The following ADAMTS16 variants were observed in gnomAD, a reference collection of about 807,000 sequenced individuals.
ADAMTS16 encodes the protein ADAM metallopeptidase with thrombospondin type 1 motif 16, also known as A disintegrin and metalloproteinase with thrombospondin motifs 16.
Under a neutral mutation model 145.8 loss-of-function variants are expected in ADAMTS16, and 94 were observed. The ratio of observed to expected loss-of-function variants is 0.64; its 90% CI spans 0.55 to 0.77. The LOEUF is 0.77. Among genes scored for constraint, ADAMTS16 ranks in the 30% least tolerant of loss-of-function variants. ADAMTS16 has a pLI of 0.00. For synonymous variants in ADAMTS16, 659 were observed against 604.3 expected, an observed-to-expected ratio of 1.09 and a Z score of -1.33; for missense variants, 1,585 against 1,591.5, an observed-to-expected ratio of 1.00 and a Z score of 0.07.
At chr5:5,159,501 C>T (rs950908905) in intron 3 of ADAMTS16, among the ~76,000 whole-genome samples, 6 of 152,088 alleles carry the variant, frequency 3.9e-5, no homozygotes, top group African/African-American at 1.2e-4. Context: ...CCTCAGTCCC[C>T]GCCGCCCCCA....
intron 18 of ADAMTS16, among the ~76,000 whole-genome samples, chr5:5,299,928 T>C (rs1289808409): frequency 9.9e-5 from 15 of 152,206 alleles, no homozygotes; most frequent in Admixed American, 9.8e-4. Flanking sequence ...TGCGTGGATT[T>C]TGACTCATTC....
In ADAMTS16 at chr5:5,306,636, C is replaced by T. The variant is rs776916750; in HGVS notation, c.3319C>T (p.Arg1107Cys). The change falls in exon 21 of 23, where the codon CGT becomes TGT. Residue 1107 changes from arginine to cysteine, a missense_variant. Coordinates refer to ENST00000274181, the MANE Select transcript of ADAMTS16 (RefSeq NM_139056.4). ...GCCGAAGCCCAGCCTGGAGCTGGAA[C>T]GTGCCTGCGCCCCGCTTCCATGCCC... is the stretch of plus-strand genomic sequence containing the variant. Reference protein sequence around the residue: ...HLPKPSLELERACAPLPCPRH... With the variant: ...HLPKPSLELECACAPLPCPRH... The T allele has an allele frequency of 3.2e-5, 52 of 1,614,050 alleles. No individual in the cohort carries two copies. Among genetic ancestry groups the T allele is most frequent in the Non-Finnish European group, 3.9e-5 (46 of 1,180,024 alleles).
intron 3 of ADAMTS16, among the ~76,000 whole-genome samples, chr5:5,168,055 G>C (rs537135106): frequency 2.0e-3 from 309 of 152,116 alleles, no homozygotes; most frequent in Non-Finnish European, 3.3e-3. Context: ...TTAGTATGTT[G>C]GCCTGAAAGA....
At chr5:5,179,311 C>A (rs1288154518) in intron 3 of ADAMTS16, among the ~76,000 whole-genome samples, 2 of 151,892 alleles carry the variant, frequency 1.3e-5, no homozygotes, top group Non-Finnish European at 2.9e-5. Context: ...CACATCTATT[C>A]TAGGTTCTTA....
At chr5:5,207,398 C>G (rs1736157167) in intron 9 of ADAMTS16, among the ~76,000 whole-genome samples, 1 of 152,088 alleles carries the variant, frequency 6.6e-6, no homozygotes, top group South Asian at 2.1e-4. Flanking sequence ...TTTTATCCTG[C>G]AACTTTGCCG....
intron 11 of ADAMTS16, among the ~76,000 whole-genome samples, chr5:5,224,482 G>T (rs1419349377): frequency 6.6e-6 from 1 of 152,054 alleles, no homozygotes; most frequent in African/African-American, 2.4e-5. Flanking sequence ...TAGAGACGGG[G>T]TTTCACCATG....
chr5:5,303,448 G>A lies in ADAMTS16; in HGVS notation c.2970G>A (p.Trp990Ter). 1 of 1,611,290 alleles carries A rather than the reference G, an allele frequency of 6.2e-7. No homozygotes were observed. The highest frequency in any genetic ancestry group is 8.5e-7 in the Non-Finnish European group (1 of 1,178,670). ...ACTCTCAGAGCTGCCCACCTGCATG[G>A]AGCGCCGGGCCCTGGGCAGAGGTAA... ...ACNSQSCPPA[W>*]SAGPWAECSH... Residue 990 changes from tryptophan (W) to a stop codon, truncating the protein, a stop_gained, in exon 19 of 23, where the codon TGG becomes TGA. Transcript: ENST00000274181. LOFTEE classifies it high-confidence loss of function.
At chr5:5,252,345 T>C (rs1177905433) in intron 17 of ADAMTS16, among the ~76,000 whole-genome samples, 1 of 10,962 alleles carries the variant, frequency 9.1e-5, no homozygotes, top group Non-Finnish European at 1.1e-3. Context: ...AGAAAATGAT[T>C]GCCCTGGGGG....
intron 18 of ADAMTS16, among the ~76,000 whole-genome samples, chr5:5,282,890 A>C (rs1013799557): frequency 3.9e-5 from 6 of 152,090 alleles, no homozygotes; most frequent in Non-Finnish European, 4.4e-5. Flanking sequence ...ATGTAGGGGA[A>C]TATAAGTGTA....
intron 3 of ADAMTS16, among the ~76,000 whole-genome samples, chr5:5,151,609 GCACA>G (rs1164833690): frequency 2.9e-5 from 4 of 140,204 alleles, no homozygotes; most frequent in Non-Finnish European, 6.2e-5. Context: ...ACACACACAC[GCACA>G]CACACACACA....
intron 17 of ADAMTS16, among the ~76,000 whole-genome samples, chr5:5,250,932 T>C (rs1737604799): frequency 6.6e-6 from 1 of 152,070 alleles, no homozygotes; most frequent in African/African-American, 2.4e-5. Context: ...TTCAGAGTCC[T>C]CGGGGCAGTC....
In ADAMTS16 at chr5:5,239,705, C is replaced by T. The variant is rs372938401; in HGVS notation, c.2303C>T (p.Pro768Leu). The T allele has an allele frequency of 1.9e-6, 3 of 1,614,172 alleles. No homozygotes were observed. Among genetic ancestry groups the T allele is most frequent in the African/African-American group, 1.3e-5 (1 of 75,048 alleles). Residue 768 changes from proline (P) to leucine (L), a missense_variant, in exon 16 of 23, where the codon CCT becomes CTT. This residue lies in a region of ADAMTS16 where 834 missense variants were observed against 811.7 expected (regional missense o/e 1.03). Transcript: ENST00000274181. ...TNQYYHMVTI[P>L]SGARSIRIYE... is the part of the protein sequence containing the mutation. ...GAGTATTATCACATGGTCACCATTC[C>T]TTCTGGAGCCCGGAGTATCCGCATC...
intron 11 of ADAMTS16, among the ~76,000 whole-genome samples, chr5:5,224,324 C>T (rs1736691632): frequency 6.6e-6 from 1 of 152,038 alleles, no homozygotes; most frequent in Non-Finnish European, 1.5e-5. Flanking sequence ...GAGTCTTGCT[C>T]TGTCACCCAG....
rs564001891 is a variant in ADAMTS16 at position 5,238,567 on chromosome 5, G to A, written c.2155-584G>A. Among the ~76,000 whole-genome samples, 30 of 151,560 alleles carry A rather than the reference G, an allele frequency of 2.0e-4. No homozygotes were observed. The South Asian group carries it at 5.9e-3, about 30-fold the overall frequency. On this transcript the variant is annotated intron_variant, in intron 14 of 22. Transcript: ENST00000274181. ...CCCTATGGATTTCAAGCCAAGAATT[G>A]TAGTTATTTTGCTTCTGAATGGATT...
chr5:5,259,689 C>T (rs1579349960), intron 17 of ADAMTS16, among the ~76,000 whole-genome samples: 1 of 152,180 alleles, frequency 6.6e-6, no homozygotes, highest in African/African-American at 2.4e-5. Flanking sequence ...CTCAGTAAAT[C>T]GGCACTGTAC....
chr5:5,211,385 G>T (rs1479173683), intron 10 of ADAMTS16, among the ~76,000 whole-genome samples: 1 of 152,112 alleles, frequency 6.6e-6, no homozygotes, highest in Non-Finnish European at 1.5e-5. Flanking sequence ...ATTACTGTAA[G>T]ATCTATAATG....
At chr5:5,174,254 T>C (rs558906859) in intron 3 of ADAMTS16, among the ~76,000 whole-genome samples, 1 of 152,290 alleles carries the variant, frequency 6.6e-6, no homozygotes, top group East Asian at 1.9e-4. Flanking sequence ...TCCTTCAGCA[T>C]TGTAAATATG....
At chr5:5,307,880 C>T (rs58255916) in intron 21 of ADAMTS16, among the ~76,000 whole-genome samples, 10,088 of 152,192 alleles carry the variant, frequency 0.066, 416 homozygotes, top group African/African-American at 0.099. Context: ...TCCTGCCCGG[C>T]GCCCTCTGCT....
At chr5:5,148,004 T>G (rs1417064229) in intron 3 of ADAMTS16, among the ~76,000 whole-genome samples, 2 of 152,220 alleles carry the variant, frequency 1.3e-5, no homozygotes, top group African/African-American at 2.4e-5. Flanking sequence ...AATTTCTGGC[T>G]CTTTTTGAGC....
Sources: gnomAD v4.1 joint callset for allele counts (sites outside exome capture counted in the v4.1 genomes callset) on GRCh38, gnomAD v4.1.1 for gene constraint, gnomAD v4.1.1 regional missense constraint, MANE v1.5 for transcripts, NCBI Gene and HGNC (gene_info 2026-07-23, HGNC 2026-07-21) for gene names.